The following CCSER1 variants were observed in gnomAD, a reference collection of about 807,000 sequenced individuals.
CCSER1 encodes the protein serine-rich coiled-coil domain-containing protein 1.
Under a neutral mutation model 82.0 loss-of-function variants are expected in CCSER1, and 41 were observed. The observed-to-expected ratio is 0.50, with a 90% confidence interval of 0.39 to 0.65. CCSER1 has a LOEUF of 0.65. Ranked by LOEUF, CCSER1 falls within the 30% of genes least tolerant of loss-of-function variation. The pLI is 0.00. For missense variants in CCSER1, 1,119 were observed against 1,064.2 expected, an observed-to-expected ratio of 1.05 and a Z score of -0.72; for synonymous variants, 414 against 383.9, an observed-to-expected ratio of 1.08 and a Z score of -0.92.
At chr4:90,703,548 G>C (rs939026115) in intron 6 of CCSER1, among the ~76,000 whole-genome samples, 3 of 152,124 alleles carry the variant, frequency 2.0e-5, no homozygotes, top group Non-Finnish European at 2.9e-5. Context: ...CTGTCTCGTT[G>C]ATCTGTCTAA....
chr4:90,920,201 G>A (rs1411180609), intron 8 of CCSER1, among the ~76,000 whole-genome samples: 2 of 151,748 alleles, frequency 1.3e-5, no homozygotes, highest in Non-Finnish European at 1.5e-5. Context: ...GCTTCCTTCT[G>A]TATGGATGCA....
chr4:90,224,479 T>A (rs1052867928), intron 1 of CCSER1, among the ~76,000 whole-genome samples: 1 of 152,188 alleles, frequency 6.6e-6, no homozygotes, highest in African/African-American at 2.4e-5. Context: ...AGGAAATATT[T>A]TAGATAGTTT....
At chr4:90,466,411 A>C (rs1290831743) in intron 4 of CCSER1, among the ~76,000 whole-genome samples, 1 of 152,196 alleles carries the variant, frequency 6.6e-6, no homozygotes, top group Non-Finnish European at 1.5e-5. Flanking sequence ...AGCAAGGTAA[A>C]AGGAGCCTTG....
intron 10 of CCSER1, among the ~76,000 whole-genome samples, chr4:91,562,058 G>C (rs1762677510): frequency 6.6e-6 from 1 of 151,442 alleles, no homozygotes; most frequent in South Asian, 2.1e-4. Context: ...GGTGATTTCA[G>C]TGAGAATTGT....
intron 10 of CCSER1, among the ~76,000 whole-genome samples, chr4:91,516,674 C>T (rs914785879): frequency 6.6e-5 from 10 of 151,792 alleles, no homozygotes; most frequent in South Asian, 6.2e-4. Context: ...TTGCTTAGGA[C>T]GTCTTGTTTC....
At chr4:90,640,897 T>A (rs1178668897) in intron 6 of CCSER1, among the ~76,000 whole-genome samples, 2 of 152,124 alleles carry the variant, frequency 1.3e-5, no homozygotes, top group Non-Finnish European at 2.9e-5. Context: ...AATTACCCAG[T>A]CCTGGGCAGT....
At chr4:91,063,961 T>A (rs1175846514) in intron 9 of CCSER1, among the ~76,000 whole-genome samples, 4 of 152,210 alleles carry the variant, frequency 2.6e-5, no homozygotes, top group African/African-American at 9.6e-5. Flanking sequence ...ATTTTCTTTC[T>A]ACTACATTAC....
intron 8 of CCSER1, among the ~76,000 whole-genome samples, chr4:90,869,802 A>G (rs1259393078): frequency 1.3e-5 from 2 of 151,852 alleles, no homozygotes; most frequent in South Asian, 4.2e-4. Context: ...GCTAGTATGG[A>G]CATTTTAACA....
intron 10 of CCSER1, among the ~76,000 whole-genome samples, chr4:91,503,452 G>C (rs1277688015): frequency 1.3e-5 from 2 of 152,078 alleles, no homozygotes; most frequent in African/African-American, 4.8e-5. Flanking sequence ...ATTGAACTGT[G>C]GTTCAATCTG....
chr4:91,194,552 A>T (rs967724386), intron 10 of CCSER1, among the ~76,000 whole-genome samples: 1 of 152,284 alleles, frequency 6.6e-6, no homozygotes, highest in East Asian at 1.9e-4. Context: ...GAGAAAAAAA[A>T]TTATTGATTG....
intron 1 of CCSER1, among the ~76,000 whole-genome samples, chr4:90,225,019 C>T (rs1742871908): frequency 6.6e-6 from 1 of 151,904 alleles, no homozygotes; most frequent in Admixed American, 6.6e-5. Context: ...TTTGGTTCTA[C>T]TCTTTCTGCT....
intron 10 of CCSER1, among the ~76,000 whole-genome samples, chr4:91,593,885 AAT>A (rs991117334): frequency 1.3e-5 from 2 of 152,184 alleles, no homozygotes; most frequent in Non-Finnish European, 2.9e-5. Flanking sequence ...ATTAAATAAT[AAT>A]ATGTTTTAAA....
intron 10 of CCSER1, among the ~76,000 whole-genome samples, chr4:91,516,763 A>C (rs1370116429): frequency 1.3e-5 from 2 of 152,120 alleles, no homozygotes; most frequent in African/African-American, 4.8e-5. Context: ...TAGTTTGATA[A>C]GTGTAGCATT....
chr4:90,422,641 G>A (rs28433383), intron 4 of CCSER1, among the ~76,000 whole-genome samples: 2,889 of 150,814 alleles, frequency 0.019, 42 homozygotes, highest in African/African-American at 0.041. Context: ...ACCCTGTTTC[G>A]AAAACAGAAA....
chr4:90,285,604 C>T (rs1431553538), intron 1 of CCSER1, among the ~76,000 whole-genome samples: 2 of 151,992 alleles, frequency 1.3e-5, no homozygotes, highest in African/African-American at 4.8e-5. Flanking sequence ...AAGTTGACTT[C>T]TTCCTTTCCA....
intron 10 of CCSER1, among the ~76,000 whole-genome samples, chr4:91,415,280 G>C (rs2149376760): frequency 6.6e-6 from 1 of 152,272 alleles, no homozygotes; most frequent in South Asian, 2.1e-4. Context: ...CTTTGCTGAA[G>C]TGGCTAATCA....
chr4:90,465,918 C>A (rs1345039336), intron 4 of CCSER1, among the ~76,000 whole-genome samples: 1 of 151,994 alleles, frequency 6.6e-6, no homozygotes, highest in African/African-American at 2.4e-5. Context: ...CATATTAGAA[C>A]CATGTAAAAA....
chr4:90,932,984 GAAAGAAAGAAAGAAAGAAAGAA>G (rs1730242828), intron 9 of CCSER1, among the ~76,000 whole-genome samples: 1 of 20,538 alleles, frequency 4.9e-5, no homozygotes, highest in East Asian at 7.6e-4. Flanking sequence ...GAAAGAAAGA[GAAAGAAAGAAAGAAAGAAAGAA>G]AGAAAGAAAG....
chr4:91,085,107 C>CT (rs11378537), intron 9 of CCSER1, among the ~76,000 whole-genome samples: 25,285 of 145,410 alleles, frequency 0.17, 2,248 homozygotes, highest in Admixed American at 0.25. Context: ...CTACAGGACA[C>CT]TTTTTTTTTT....
Sources: allele counts gnomAD v4.1 joint callset (sites outside exome capture counted in the v4.1 genomes callset), GRCh38; gene constraint gnomAD v4.1.1; transcripts MANE v1.5; gene names NCBI Gene and HGNC (gene_info 2026-07-23, HGNC 2026-07-21).